RUBCN: variants seen among roughly 807,000 people sequenced by gnomAD.
RUBCN encodes the protein run domain Beclin-1-interacting and cysteine-rich domain-containing protein.
In RUBCN, 74 loss-of-function variants were observed where a neutral mutation model predicts 113.2. That is an observed-to-expected ratio of 0.65 (90% CI 0.54 to 0.79). RUBCN has a LOEUF of 0.79. Ranked by LOEUF, RUBCN falls within the 30% of genes least tolerant of loss-of-function variation. The pLI is 0.00. For synonymous variants in RUBCN, 480 were observed against 490.0 expected (o/e 0.98, Z 0.27); for missense variants, 1,109 against 1,251.7 (o/e 0.89, Z 1.72).
At chr3:197,719,397 G>C (rs1024331085) in intron 1 of RUBCN, among the ~76,000 whole-genome samples, 1 of 147,834 alleles carries the variant, frequency 6.8e-6, no homozygotes, top group Non-Finnish European at 1.5e-5. Flanking sequence ...AGAATCGCTT[G>C]AACCTGGGAA....
rs990973784 is a variant in RUBCN, at chr3:197,677,416, C to T, written c.2492+64G>A. On this transcript the variant is annotated intron_variant, in intron 17 of 19. Transcript: ENST00000296343. Reference sequence around the variant, plus strand: ...TTCGTTACATAACAAGAGCCAAGCGCGGGGATGTGTCCCTTTCGGAGACAG... The same window carrying T: ...TTCGTTACATAACAAGAGCCAAGCGTGGGGATGTGTCCCTTTCGGAGACAG... 1.2e-5 allele frequency: 17 copies of T among 1,369,988 alleles called. No individual in the cohort carries two copies. The Admixed American group carries it at 1.8e-4, about 15-fold the overall frequency. 84.9% of individuals were successfully genotyped at this position (1,369,988 alleles called of 1,614,324 possible). A position where few individuals can be genotyped will look rare whatever the true frequency, so the allele number is the denominator to read the frequency against.
chr3:197,696,234 T>C (rs1016910964), intron 8 of RUBCN, among the ~76,000 whole-genome samples: 1 of 152,108 alleles, frequency 6.6e-6, no homozygotes, highest in Non-Finnish European at 1.5e-5. Flanking sequence ...TAGCTGGGCA[T>C]GGTGGCACAT....
intron 11 of RUBCN, among the ~76,000 whole-genome samples, chr3:197,689,814 T>C (rs544429106): frequency 6.6e-6 from 1 of 152,236 alleles, no homozygotes; most frequent in Non-Finnish European, 1.5e-5. Context: ...TTTCTCTGTG[T>C]TGGGAATACT....
At chr3:197,682,668 A>C in intron 13 of RUBCN, 53 bp from the exon 14 acceptor site, 1 of 1,600,934 alleles carries the variant, frequency 6.2e-7, no homozygotes, top group South Asian at 1.1e-5. Flanking sequence ...GCTGCCCGTC[A>C]TCTGGTGAGA....
At chr3:197,739,636 T>C (rs1728438714), upstream of RUBCN, among the ~76,000 whole-genome samples, 1 of 151,942 alleles carries the variant, frequency 6.6e-6, no homozygotes, top group Non-Finnish European at 1.5e-5. Context: ...GAGGCGGAGC[T>C]TGCAGTGAGC....
chr3:197,691,582 T>C (rs1464857985), intron 11 of RUBCN, among the ~76,000 whole-genome samples: 1 of 152,190 alleles, frequency 6.6e-6, no homozygotes, highest in Non-Finnish European at 1.5e-5. Context: ...ATTTCTGTTC[T>C]GAAACGACTA....
chr3:197,704,038 T>C (rs183851344), intron 4 of RUBCN, among the ~76,000 whole-genome samples: 104 of 152,254 alleles, frequency 6.8e-4, no homozygotes, highest in African/African-American at 2.4e-3. Flanking sequence ...TGTGTGGCCG[T>C]AGGGGACGAC....
Position 197,718,000 on chromosome 3 carries a change from AGAGGAT to A in RUBCN, c.190_195del (p.Ile64_Leu65del), listed in dbSNP as rs764371827. 1.2e-6 allele frequency: 2 copies of A among 1,614,108 alleles called. No homozygotes were observed. Among genetic ancestry groups the A allele is most frequent in the Non-Finnish European group, 1.7e-6 (2 of 1,180,046 alleles). On this transcript the variant is annotated inframe_deletion, in exon 2 of 20. Coordinates refer to ENST00000296343, the MANE Select transcript of RUBCN (RefSeq NM_014687.4). ...ACCTGGTCACGGATAAGCCCGTGAT[AGAGGAT>A]GCTCTGCATGTCCCTGCAAAGCCGC... is the stretch of plus-strand genomic sequence containing the variant.
chr3:197,690,903 T>C (rs1000799936), intron 11 of RUBCN, among the ~76,000 whole-genome samples: 1 of 152,256 alleles, frequency 6.6e-6, no homozygotes, highest in Non-Finnish European at 1.5e-5. Flanking sequence ...AGTATCTGAA[T>C]TGTTCCTGGC....
At chr3:197,689,989 C>T (rs1175872695) in intron 11 of RUBCN, among the ~76,000 whole-genome samples, 3 of 152,224 alleles carry the variant, frequency 2.0e-5, no homozygotes, top group African/African-American at 7.2e-5. Flanking sequence ...GTAACTATCA[C>T]TCTCTTCTCT....
At chr3:197,702,101 T>C (rs1426096552) in intron 5 of RUBCN, among the ~76,000 whole-genome samples, 1 of 152,210 alleles carries the variant, frequency 6.6e-6, no homozygotes, top group African/African-American at 2.4e-5. Context: ...AGTACTTTAT[T>C]ACAGAGGCAG....
At chr3:197,710,664 A>G (rs915647222) in intron 2 of RUBCN, among the ~76,000 whole-genome samples, 4 of 152,140 alleles carry the variant, frequency 2.6e-5, no homozygotes, top group African/African-American at 7.2e-5. Context: ...AACTCCCATT[A>G]CAAAGGACTA....
At chr3:197,744,149 C>G (rs1031757018) in intron 1 of RUBCN, among the ~76,000 whole-genome samples, 3 of 151,582 alleles carry the variant, frequency 2.0e-5, no homozygotes, top group African/African-American at 7.3e-5. Flanking sequence ...TTTTGAAAAG[C>G]AAAAGAGTTA....
At chr3:197,721,086 G>T (rs1374961584) in intron 1 of RUBCN, among the ~76,000 whole-genome samples, 2 of 151,992 alleles carry the variant, frequency 1.3e-5, no homozygotes, top group Non-Finnish European at 2.9e-5. Context: ...TTCCTCTTGT[G>T]CCCCTCTGTA....
chr3:197,729,879 T>C (rs1008826392), intron 1 of RUBCN, among the ~76,000 whole-genome samples: 1 of 152,100 alleles, frequency 6.6e-6, no homozygotes, highest in African/African-American at 2.4e-5. Flanking sequence ...CATCCCTGAG[T>C]AAAATATTAT....
intron 11 of RUBCN, among the ~76,000 whole-genome samples, chr3:197,690,826 T>C (rs556910137): frequency 1.3e-5 from 2 of 152,334 alleles, no homozygotes; most frequent in South Asian, 2.1e-4. Flanking sequence ...TTTATCACCA[T>C]AGGGAAGGAT....
chr3:197,717,431 G>T (rs1336895053), intron 2 of RUBCN, among the ~76,000 whole-genome samples: 1 of 149,350 alleles, frequency 6.7e-6, no homozygotes, highest in Non-Finnish European at 1.5e-5. Context: ...GTGACAGAGC[G>T]AGACTCCGTC....
intron 16 of RUBCN, among the ~76,000 whole-genome samples, chr3:197,678,881 T>C (rs1186359553): frequency 4.1e-5 from 6 of 147,470 alleles, no homozygotes; most frequent in Admixed American, 4.0e-4. Context: ...AACTGACAAC[T>C]GGCTCCAGAC....
At chr3:197,731,661 C>T (rs1225140233) in intron 1 of RUBCN, among the ~76,000 whole-genome samples, 16 of 149,918 alleles carry the variant, frequency 1.1e-4, no homozygotes, top group South Asian at 2.2e-4. Flanking sequence ...GGCGGCTGGC[C>T]GGGCAGAGGG....
Sources: gnomAD v4.1 joint callset for allele counts (sites outside exome capture counted in the v4.1 genomes callset) on GRCh38, gnomAD v4.1.1 for gene constraint, MANE v1.5 for transcripts, NCBI Gene and HGNC (gene_info 2026-07-23, HGNC 2026-07-21) for gene names.